The following QTRT2 variants were observed in gnomAD, a reference collection of about 807,000 sequenced individuals.
QTRT2 encodes the protein queuine tRNA-ribosyltransferase accessory subunit 2.
A neutral mutation model predicts 44.8 loss-of-function variants in QTRT2; 32 were observed. The ratio of observed to expected loss-of-function variants is 0.71; its 90% CI spans 0.54 to 0.96. The LOEUF is 0.96. Ranked by LOEUF, QTRT2 falls within the 40% of genes least tolerant of loss-of-function variation. The pLI is 0.00. For synonymous variants in QTRT2, 182 were observed against 187.4 expected (o/e 0.97, Z 0.24); for missense variants, 461 against 503.1 (o/e 0.92, Z 0.80).
At chr3:114,072,071 T>G (rs943283680) in intron 6 of QTRT2, among the ~76,000 whole-genome samples, 3 of 152,228 alleles carry the variant, frequency 2.0e-5, no homozygotes, top group African/African-American at 7.2e-5. Flanking sequence ...TGTTTCTTGT[T>G]TCTGCTTTTC....
At chr3:114,076,700 C>G in intron 6 of QTRT2, 43 bp from the exon 7 acceptor site, 2 of 1,580,572 alleles carry the variant, frequency 1.3e-6, no homozygotes, top group South Asian at 2.2e-5. Flanking sequence ...ACAAAGGTCT[C>G]ATACTGAAAA....
At chr3:114,078,156 A>C (rs1177281109) in intron 7 of QTRT2, 1 of 152,142 alleles carries the variant, frequency 6.6e-6, no homozygotes, top group Non-Finnish European at 1.5e-5. Context: ...ATTTTAACCT[A>C]GTTCTTTTGT....
At chr3:114,077,210 A>G (rs369835052) in intron 7 of QTRT2, 4 of 415,996 alleles carry the variant, frequency 9.6e-6, no homozygotes, top group Admixed American at 3.7e-5. Context: ...CAAGTATTAT[A>G]CTGTTTCCCC....
intron 3 of QTRT2, 74 bp downstream of exon 3, chr3:114,065,531 A>G: frequency 5.2e-6 from 6 of 1,155,694 alleles, no homozygotes; most frequent in Non-Finnish European, 7.4e-6. Flanking sequence ...AAAAAGAGAA[A>G]TATTTTTTTT....
rs757240368 is a variant in QTRT2, at chr3:114,085,952, G to A, written c.*48G>A. The stretch of plus-strand genomic sequence containing the variant: ...CTCTTCACACTGAGCCTGTACCACT[G>A]TTGTAACATGGGAAGACGTGAAGAA... On this transcript the variant is annotated 3_prime_UTR_variant, in exon 10 of 10. Coordinates refer to ENST00000281273, the MANE Select transcript of QTRT2 (RefSeq NM_024638.4). 20 of 1,337,470 alleles carry A rather than the reference G, an allele frequency of 1.5e-5. No homozygotes were observed. Among genetic ancestry groups the A allele is most frequent in the Middle Eastern group, 1.8e-4 (1 of 5,580 alleles). The allele number at this position is 1,337,470 out of a possible 1,614,324, so 82.9% of individuals were successfully genotyped here.
At chr3:114,071,391 C>G (rs1376194392) in intron 6 of QTRT2, among the ~76,000 whole-genome samples, 1 of 152,078 alleles carries the variant, frequency 6.6e-6, no homozygotes, top group Non-Finnish European at 1.5e-5. Context: ...CTCTGCCTCC[C>G]AGGTTCAAGG....
chr3:114,067,372 A>G (rs921645241), intron 4 of QTRT2, among the ~76,000 whole-genome samples: 1 of 152,166 alleles, frequency 6.6e-6, no homozygotes, highest in African/African-American at 2.4e-5. Context: ...CTTAACGAAA[A>G]TGTGGGCTAG....
At chr3:114,066,123 A>G in intron 3 of QTRT2, 105 bp from the exon 4 acceptor site, 1 of 762,788 alleles carries the variant, frequency 1.3e-6, no homozygotes, top group South Asian at 1.7e-5. Context: ...GACAGCATTT[A>G]CCATGATGTA....
rs1354847977 is a variant in QTRT2 at position 114,088,017 on chromosome 3, T to A, written c.*2113T>A. 2 of 152,220 alleles carry A rather than the reference T, an allele frequency of 1.3e-5. No individual in the cohort carries two copies. The highest frequency in any genetic ancestry group is 4.1e-4 in the South Asian group (2 of 4,830). 9.4% of individuals were successfully genotyped at this position (152,220 alleles called of 1,614,324 possible). ...GTGTCCATGAATAAATTCATGGGCA[T>A]CCTCATAACTCTTCCATGAATGGCA... On this transcript the variant is annotated 3_prime_UTR_variant, in exon 10 of 10. Transcript: ENST00000281273.
At chr3:114,071,724 C>T (rs1422772742) in intron 6 of QTRT2, among the ~76,000 whole-genome samples, 1 of 152,154 alleles carries the variant, frequency 6.6e-6, no homozygotes, top group Admixed American at 6.5e-5. Flanking sequence ...CACCTTAAGC[C>T]GTAACTGCAT....
At chr3:114,079,771 C>A in intron 7 of QTRT2, 135 bp from the exon 8 acceptor site, 1 of 746,466 alleles carries the variant, frequency 1.3e-6, no homozygotes, top group Non-Finnish European at 2.2e-6. Flanking sequence ...TGTTGCTGTC[C>A]ACTGCCTGCC....
chr3:114,057,304 G>C (rs2076811117), intron 2 of QTRT2, 198 bp downstream of exon 2: 1 of 162,114 alleles, frequency 6.2e-6, no homozygotes, highest in Non-Finnish European at 1.3e-5. Flanking sequence ...TTATAAAGCA[G>C]AGTAAAGATT....
At chr3:114,078,945 A>G (rs553756151) in intron 7 of QTRT2, 1 of 152,322 alleles carries the variant, frequency 6.6e-6, no homozygotes, top group African/African-American at 2.4e-5. Context: ...CTTAGATCCT[A>G]TGGCCAGAGG....
At chr3:114,070,379 TA>T (rs1429519516) in intron 5 of QTRT2, among the ~76,000 whole-genome samples, 3 of 152,004 alleles carry the variant, frequency 2.0e-5, no homozygotes, top group East Asian at 3.9e-4. Flanking sequence ...GCAGGTGGGA[TA>T]GGGGAGAGCA....
intron 9 of QTRT2, among the ~76,000 whole-genome samples, chr3:114,084,113 A>G (rs1302719364): frequency 6.7e-6 from 1 of 149,108 alleles, no homozygotes; most frequent in African/African-American, 2.5e-5. Context: ...CCCAGGCCAG[A>G]GTGCAGTGGC....
At chr3:114,066,180 A>T in intron 3 of QTRT2, 48 bp from the exon 4 acceptor site, 1 of 1,372,570 alleles carries the variant, frequency 7.3e-7, no homozygotes, top group Non-Finnish European at 1.0e-6. Flanking sequence ...CAGAGTATTT[A>T]CAGAATGACA....
chr3:114,080,171 T>C, intron 8 of QTRT2, 114 bp downstream of exon 8: 1 of 797,386 alleles, frequency 1.3e-6, no homozygotes, highest in Non-Finnish European at 2.0e-6. Context: ...TTTACAAAAC[T>C]ACATCTCTGT....
At position 114,064,911 on chromosome 3, in the gene QTRT2, T is replaced by A. The variant is rs541870046; in HGVS notation, c.-21-326T>A. ...ATACATTTTCAAGGCTGAGAGAGCCTTGGCTTCATGGCATTCTTTCCATGA... is the reference window on the plus strand; with the variant it reads ...ATACATTTTCAAGGCTGAGAGAGCCATGGCTTCATGGCATTCTTTCCATGA... On this transcript the variant is annotated intron_variant, in intron 2 of 9. Transcript: ENST00000281273. 8.5e-5 allele frequency among the ~76,000 whole-genome samples: 13 copies of A among 152,340 alleles called. 1 individual carries two copies. The South Asian group carries it at 2.3e-3, about 27-fold the overall frequency.
chr3:114,084,729 T>G (rs2077213924), intron 9 of QTRT2, among the ~76,000 whole-genome samples: 3 of 152,172 alleles, frequency 2.0e-5, no homozygotes, highest in Admixed American at 2.0e-4. Flanking sequence ...GGTTCATGGA[T>G]GAGAAACAAG....
Sources: allele counts gnomAD v4.1 joint callset (sites outside exome capture counted in the v4.1 genomes callset), GRCh38; gene constraint gnomAD v4.1.1; transcripts MANE v1.5; gene names NCBI Gene and HGNC (gene_info 2026-07-23, HGNC 2026-07-21).